The following PXMP2 variants were observed in gnomAD, a reference collection of about 807,000 sequenced individuals.
PXMP2 encodes 22 kDa peroxisomal membrane protein.
In PXMP2, 13 loss-of-function variants were observed where a neutral mutation model predicts 20.2. The observed-to-expected ratio is 0.64, with a 90% CI of 0.42 to 1.02. The LOEUF is 1.02. PXMP2 is among the 50% of genes least tolerant of loss of function. The pLI is 0.00. For synonymous variants in PXMP2, 113 were observed against 111.2 expected (o/e 1.02, Z -0.10); for missense variants, 284 against 251.8 (o/e 1.13, Z -0.87).
intron 2 of PXMP2, among the ~76,000 whole-genome samples, chr12:132,692,100 GCCCTTGCCAGTTAGTTAGTGAGCT>G (rs1565990266): frequency 7.1e-6 from 1 of 141,388 alleles, no homozygotes; most frequent in East Asian, 2.1e-4. Context: ...GTTAGTGAGC[GCCCTTGCCAGTTAGTTAGTGAGCT>G]CCCTTAGCCA....
Position 132,704,646 on chromosome 12 carries a change from G to A in PXMP2, c.547G>A (p.Ala183Thr). The part of the protein sequence containing the change: ...KFRVLFANLA[A>T]LFWYAYLASL... Reference sequence around the variant, plus strand: ...CCGGGTGCTCTTCGCCAACCTGGCAGCTCTGTTCTGGTATGCCTACCTGGC... The same window carrying A: ...CCGGGTGCTCTTCGCCAACCTGGCAACTCTGTTCTGGTATGCCTACCTGGC... The change falls in exon 5 of 5, where the codon GCT (alanine) becomes ACT (threonine). Residue 183 changes from alanine to threonine, a missense_variant. Coordinates refer to ENST00000317479, the MANE Select transcript of PXMP2 (RefSeq NM_018663.3). 2 of 1,500,434 alleles carry A rather than the reference G, an allele frequency of 1.3e-6. No homozygotes were observed. Among genetic ancestry groups the A allele is most frequent in the African/African-American group, 1.4e-5 (1 of 70,728 alleles). The allele number at this position is 1,500,434 out of a possible 1,614,324, so 92.9% of individuals were successfully genotyped here.
At chr12:132,693,774 C>T (rs375271177) in intron 2 of PXMP2, among the ~76,000 whole-genome samples, 3 of 117,514 alleles carry the variant, frequency 2.6e-5, no homozygotes, top group Admixed American at 8.3e-5. Context: ...AGTTAGTGAG[C>T]GCCCTTGCCA....
intron 2 of PXMP2, among the ~76,000 whole-genome samples, chr12:132,694,758 C>CAGTTAGTTAGTGAGCGCCCTTGCCAGTT (rs200349779): frequency 1.9e-5 from 2 of 107,556 alleles, no homozygotes; most frequent in African/African-American, 3.5e-5. Context: ...CTCCCTTAGT[C>CAGTTAGTTAGTGAGCGCCCTTGCCAGTT]AGTTAGTGAG....
chr12:132,694,844 T>G (rs1247055815), intron 2 of PXMP2, among the ~76,000 whole-genome samples: 3 of 128,694 alleles, frequency 2.3e-5, no homozygotes, highest in South Asian at 2.8e-4. Flanking sequence ...TTAGCTCCCT[T>G]AGCCAGTTAG....
chr12:132,689,999 C>T (rs2043356898), intron 1 of PXMP2, among the ~76,000 whole-genome samples: 1 of 152,216 alleles, frequency 6.6e-6, no homozygotes, highest in South Asian at 2.1e-4. Flanking sequence ...AGCTTCCCAA[C>T]TCCCAAACTG....
intron 2 of PXMP2, among the ~76,000 whole-genome samples, chr12:132,693,871 C>T (rs2043389656): frequency 1.1e-5 from 1 of 94,466 alleles, no homozygotes; most frequent in Non-Finnish European, 2.4e-5. Flanking sequence ...AGTTAGTGAG[C>T]TCCCTTAGCC....
At chr12:132,692,953 TAGTTAGTGAGCTCCCTTAGCC>T (rs1436650451) in intron 2 of PXMP2, among the ~76,000 whole-genome samples, 4 of 94,738 alleles carry the variant, frequency 4.2e-5, no homozygotes, top group East Asian at 2.7e-4. Flanking sequence ...CCTTGCCAGT[TAGTTAGTGAGCTCCCTTAGCC>T]AGTTAGTGAG....
rs375865786 is a variant in PXMP2 at position 132,701,289 on chromosome 12, G to T, written c.439G>T (p.Gly147Cys). ...AGCCTTCGCCGCCAAGATGAGGGGG[G>T]GCTTCTGGCCGGCGCTGAGGATGAA... ...ASAFAAKMRG[G>C]FWPALRMNWR... is the part of the protein sequence containing the mutation. The change falls in exon 4 of 5, where the codon GGC becomes TGC. Residue 147 changes from glycine (G) to cysteine (C), a missense_variant. By Grantham distance (159) the Gly-to-Cys change is radical. Transcript: ENST00000317479. 6.2e-6 allele frequency: 10 copies of T among 1,612,894 alleles called. No homozygotes were observed. The highest frequency in any genetic ancestry group is 4.5e-5 in the East Asian group (2 of 44,752).
chr12:132,697,393 TTTTA>T (rs139781321), intron 3 of PXMP2, among the ~76,000 whole-genome samples: 61 of 150,138 alleles, frequency 4.1e-4, no homozygotes, highest in African/African-American at 1.2e-3. Context: ...TGTAGTCCTA[TTTTA>T]TTTATTTATT....
chr12:132,692,304 G>T (rs1249676915), intron 2 of PXMP2, among the ~76,000 whole-genome samples: 7 of 140,748 alleles, frequency 5.0e-5, no homozygotes, highest in Non-Finnish European at 6.2e-5. Flanking sequence ...TCCCTTGCCA[G>T]TTAATTAGTG....
At chr12:132,702,433 G>A in intron 4 of PXMP2, 1 of 352,140 alleles carries the variant, frequency 2.8e-6, no homozygotes, top group Admixed American at 3.6e-5. Flanking sequence ...GCACAGCCAG[G>A]GTCCCCAGGA....
rs2043408501 is a variant in PXMP2, at chr12:132,696,013, C to T, written c.366C>T (p.Leu122=). The change falls in exon 3 of 5, where the codon CTC becomes CTT. Residue 122 remains leucine (L), a synonymous_variant. Transcript: ENST00000317479. This position sits in a 1 kb window ranked among gnomAD's most constrained non-coding sequence, Gnocchi z 4.4. ...GCCTCGTCTTTGCACCGGCCTTCCT[C>T]ATGTTGTTCTTCCTCATCATGAACT... ...LDRLVFAPAF[L]MLFFLIMNFL... is the part of the protein sequence containing the mutation. 1 of 1,610,078 alleles carries T rather than the reference C, an allele frequency of 6.2e-7. No homozygotes were observed. The highest frequency in any genetic ancestry group is 1.3e-5 in the African/African-American group (1 of 75,030).
chr12:132,701,779 A>G (rs2043443723), intron 4 of PXMP2: 1 of 224,564 alleles, frequency 4.5e-6, no homozygotes, highest in South Asian at 5.6e-5. Context: ...ACTTGGCCCA[A>G]ATAAACTCTA....
chr12:132,691,782 C>T (rs2043368178), intron 2 of PXMP2, among the ~76,000 whole-genome samples: 1 of 152,224 alleles, frequency 6.6e-6, no homozygotes, highest in South Asian at 2.1e-4. Flanking sequence ...CTGAGAACCA[C>T]TTATCTAAAG....
At chr12:132,699,693 C>T (rs1459949982) in intron 3 of PXMP2, among the ~76,000 whole-genome samples, 2 of 151,950 alleles carry the variant, frequency 1.3e-5, no homozygotes, top group Non-Finnish European at 2.9e-5. Context: ...CCGTGCGCGG[C>T]CGAGTTCATT....
chr12:132,689,653 C>T (rs1205212984), intron 1 of PXMP2, among the ~76,000 whole-genome samples: 1 of 152,138 alleles, frequency 6.6e-6, no homozygotes, highest in Admixed American at 6.5e-5. Context: ...AAACCAAGGC[C>T]TGGAGGGAGC....
chr12:132,694,230 CAGTT>C (rs1397832587), intron 2 of PXMP2, among the ~76,000 whole-genome samples: 1 of 106,236 alleles, frequency 9.4e-6, no homozygotes, highest in Non-Finnish European at 2.0e-5. Flanking sequence ...CTCCCTTAGC[CAGTT>C]AGTTAGTGAG....
At chr12:132,693,942 G>T (rs373384404) in intron 2 of PXMP2, among the ~76,000 whole-genome samples, 42 of 54,230 alleles carry the variant, frequency 7.7e-4, no homozygotes, top group African/African-American at 1.4e-3. Context: ...GTTAGTGAGC[G>T]CCCTTGCCAG....
intron 3 of PXMP2, among the ~76,000 whole-genome samples, chr12:132,701,039 C>T: frequency 6.6e-6 from 1 of 152,328 alleles, no homozygotes; most frequent in East Asian, 1.9e-4. Context: ...CCAGCATGAG[C>T]AGGCTGCTGT....
Sources: gnomAD v4.1 joint callset for allele counts (sites outside exome capture counted in the v4.1 genomes callset) on GRCh38, gnomAD v4.1.1 for gene constraint, Gnocchi (gnomAD v3.1) non-coding constraint, MANE v1.5 for transcripts, NCBI Gene and HGNC (gene_info 2026-07-23, HGNC 2026-07-21) for gene names.